AP3S2: variants seen among roughly 807,000 people sequenced by gnomAD.
The protein encoded by AP3S2 is adaptor related protein complex 3 subunit sigma 2.
A neutral mutation model predicts 23.4 loss-of-function variants in AP3S2; 22 were observed. The ratio of observed to expected loss-of-function variants is 0.94; its 90% confidence interval spans 0.67 to 1.34. The LOEUF (loss-of-function observed/expected upper bound fraction) is 1.34, where lower values mean the gene tolerates loss of function less well. AP3S2 is among the 40% of genes most tolerant of loss of function. AP3S2 has a pLI of 0.00. For missense variants in AP3S2, 241 were observed against 236.9 expected (o/e 1.02, Z -0.11); for synonymous variants, 86 against 87.1 (o/e 0.99, Z 0.07).
intron 4 of AP3S2, among the ~76,000 whole-genome samples, chr15:89,862,362 T>C (rs1896025885): frequency 6.6e-6 from 1 of 152,232 alleles, no homozygotes; most frequent in African/African-American, 2.4e-5. Context: ...ATGTTAATTG[T>C]GTTGTGCATC....
chr15:89,857,919 G>A (rs1232110723), intron 4 of AP3S2, among the ~76,000 whole-genome samples: 2 of 152,126 alleles, frequency 1.3e-5, no homozygotes, highest in Non-Finnish European at 2.9e-5. Context: ...TTCAAGAGCC[G>A]GAACACACAC....
At chr15:89,861,050 G>C (rs1278700223) in intron 4 of AP3S2, among the ~76,000 whole-genome samples, 2 of 152,204 alleles carry the variant, frequency 1.3e-5, no homozygotes, top group Admixed American at 6.5e-5. Context: ...GGGTGTGGCA[G>C]GTATTAATGA....
intron 1 of AP3S2, among the ~76,000 whole-genome samples, chr15:89,892,915 C>A (rs893016600): frequency 6.6e-6 from 1 of 152,158 alleles, no homozygotes; most frequent in Non-Finnish European, 1.5e-5. Context: ...CCGCCCGCCT[C>A]GGCCTCCCAA....
chr15:89,843,078 C>T (rs545494730), intron 4 of AP3S2, among the ~76,000 whole-genome samples: 64 of 147,022 alleles, frequency 4.4e-4, no homozygotes, highest in Non-Finnish European at 3.9e-4. Flanking sequence ...TCTGCCTCCC[C>T]GGTTCAAGCG....
rs932656018 is a variant in AP3S2, at chr15:89,831,244, G to A, written c.*4271C>T. On this transcript the variant is annotated 3_prime_UTR_variant, in exon 6 of 6. Coordinates refer to ENST00000336418, the MANE Select transcript of AP3S2 (RefSeq NM_005829.5). Reference sequence around the variant, plus strand: ...AGATGGAGAACCCTCCAGTGCTCCCGAGAAGGGAGACAGTCTTAACCCAGA... The same window carrying A: ...AGATGGAGAACCCTCCAGTGCTCCCAAGAAGGGAGACAGTCTTAACCCAGA... 3.3e-5 allele frequency: 5 copies of A among 152,216 alleles called. No homozygotes were observed. Among genetic ancestry groups the A allele is most frequent in the South Asian group, 2.1e-4 (1 of 4,834 alleles). The allele number at this position is 152,216 out of a possible 1,614,324, so 9.4% of individuals were successfully genotyped here. A position where few individuals can be genotyped will look rare whatever the true frequency, so the allele number is the denominator to read the frequency against.
At chr15:89,837,042 T>TA (rs1596184293) in intron 5 of AP3S2, among the ~76,000 whole-genome samples, 1 of 152,206 alleles carries the variant, frequency 6.6e-6, no homozygotes, top group East Asian at 1.9e-4. Context: ...CTCAGAGGGA[T>TA]AGGACAGAAT....
At chr15:89,882,442 G>A (rs1201960829) in intron 3 of AP3S2, among the ~76,000 whole-genome samples, 3 of 149,112 alleles carry the variant, frequency 2.0e-5, no homozygotes, top group Non-Finnish European at 3.0e-5. Context: ...CACAACCCCC[G>A]CCTCCTGGGT....
At chr15:89,889,727 G>A (rs968349444) in intron 1 of AP3S2, among the ~76,000 whole-genome samples, 5 of 151,944 alleles carry the variant, frequency 3.3e-5, no homozygotes, top group African/African-American at 9.7e-5. Context: ...AGCTGGGCGT[G>A]GTGGCGCATG....
Position 89,888,532 on chromosome 15 carries a change from C to T in AP3S2, c.262G>A (p.Asp88Asn), listed in dbSNP as rs554208154. The T allele has an allele frequency of 1.2e-6, 2 of 1,614,156 alleles. No homozygotes were observed. Among genetic ancestry groups the T allele is most frequent in the East Asian group, 2.2e-5 (1 of 44,884 alleles). The change falls in exon 3 of 6, where the codon GAC becomes AAC. Residue 88 changes from aspartate (D) to asparagine (N), a missense_variant. Physicochemically the swap from Asp to Asn is conservative, Grantham distance 23 (BLOSUM62 1). Transcript: ENST00000336418. ...CTGACTACACATACCTGGATGAGGTCCAAGATTCCAAGTTCACTCTCTGAG... is the reference window on the plus strand; with the variant it reads ...CTGACTACACATACCTGGATGAGGTTCAAGATTCCAAGTTCACTCTCTGAG... Reference protein sequence around the residue: ...DSSESELGILDLIQVFVETLD... With the variant: ...DSSESELGILNLIQVFVETLD...
At chr15:89,836,306 A>T (rs1596183828) in intron 5 of AP3S2, among the ~76,000 whole-genome samples, 2 of 152,304 alleles carry the variant, frequency 1.3e-5, no homozygotes, top group East Asian at 3.9e-4. Context: ...AAATAATCTA[A>T]GGTGATTTGT....
At chr15:89,866,346 G>A (rs1896120372) in intron 4 of AP3S2, among the ~76,000 whole-genome samples, 1 of 151,868 alleles carries the variant, frequency 6.6e-6, no homozygotes. Flanking sequence ...GGGGTTGGGA[G>A]GCTACCCCTT....
At chr15:89,889,223 G>T in intron 1 of AP3S2, 83 bp from the exon 2 acceptor site, 1 of 1,466,842 alleles carries the variant, frequency 6.8e-7, no homozygotes, top group Non-Finnish European at 9.5e-7. Context: ...GGGAAGAAGT[G>T]TTTCTAAGCT....
chr15:89,888,796 C>A (rs896742491), intron 2 of AP3S2, 164 bp from the exon 3 acceptor site: 1 of 837,680 alleles, frequency 1.2e-6, no homozygotes, highest in African/African-American at 1.7e-5. Context: ...GGCAGAGGTA[C>A]CTAAAGCCAC....
chr15:89,882,953 C>T (rs908981749), intron 3 of AP3S2, among the ~76,000 whole-genome samples: 6 of 152,330 alleles, frequency 3.9e-5, no homozygotes, highest in Admixed American at 1.3e-4. Context: ...TTGCTCACCA[C>T]CTTTGGGACT....
At chr15:89,881,122 C>T (rs912341381) in intron 3 of AP3S2, among the ~76,000 whole-genome samples, 1 of 152,042 alleles carries the variant, frequency 6.6e-6, no homozygotes, top group Admixed American at 6.6e-5. Flanking sequence ...TTCCAGGGGA[C>T]AGAACAAGTA....
chr15:89,844,883 C>T (rs1895448038), intron 4 of AP3S2, among the ~76,000 whole-genome samples: 1 of 152,106 alleles, frequency 6.6e-6, no homozygotes, highest in Admixed American at 6.6e-5. Flanking sequence ...CCAAAGCATT[C>T]CTCTTACTTT....
rs560276693 is a variant in AP3S2, at chr15:89,879,330, A to G, written c.274-7784T>C. On this transcript the variant is annotated intron_variant, in intron 3 of 5. Coordinates refer to ENST00000336418, the MANE Select transcript of AP3S2 (RefSeq NM_005829.5). ...CATTTAAAAAACACATGCCCTTATT[A>G]AAGCAGCAATTCCAATTGAGAAATC... Among the ~76,000 whole-genome samples the G allele has an allele frequency of 5.9e-5, 9 of 152,370 alleles. No homozygotes were observed. In the South Asian group the frequency reaches 1.7e-3, roughly 28 times the overall value.
chr15:89,852,162 C>T (rs1895672153), intron 4 of AP3S2, among the ~76,000 whole-genome samples: 1 of 152,154 alleles, frequency 6.6e-6, no homozygotes, highest in Admixed American at 6.5e-5. Flanking sequence ...ACCAATAAAC[C>T]TCAGTTTCTT....
rs767067540 is a variant in AP3S2, at chr15:89,849,627, A to G, written c.346-11905T>C. Among the ~76,000 whole-genome samples, 31 of 152,242 alleles carry G rather than the reference A, an allele frequency of 2.0e-4. No homozygotes were observed. The South Asian group carries it at 2.1e-3, about 10-fold the overall frequency. On this transcript the variant is annotated intron_variant, in intron 4 of 5. Transcript: ENST00000336418. ...AGTGATCTGCCCACCTTGGCCTCCC[A>G]AAGTGCTGGGATTACAGGCATGAGC...
Sources: gnomAD v4.1 joint callset for allele counts (sites outside exome capture counted in the v4.1 genomes callset) on GRCh38, gnomAD v4.1.1 for gene constraint, MANE v1.5 for transcripts, NCBI Gene and HGNC (gene_info 2026-07-23, HGNC 2026-07-21) for gene names.